The following PCNT variants were observed in gnomAD, a reference collection of about 807,000 sequenced individuals.
The protein encoded by PCNT is pericentrin, also known as kendrin.
Under a neutral mutation model 380.4 loss-of-function variants are expected in PCNT, and 319 were observed. That is an observed-to-expected ratio of 0.84 (90% confidence interval 0.77 to 0.92). The LOEUF is 0.92. Among genes scored for constraint, PCNT ranks in the 40% least tolerant of loss-of-function variants. The pLI is 0.00. For missense variants in PCNT, 4,400 were observed against 4,255.3 expected (o/e 1.03, Z -0.95); for synonymous variants, 1,845 against 1,735.2 (o/e 1.06, Z -1.57).
chr21:46,366,580 G>C lies in PCNT; in HGVS notation c.2610-4G>C. On this transcript the variant is annotated splice_region_variant and splice_polypyrimidine_tract_variant and intron_variant, in intron 14 of 46. Coordinates refer to ENST00000359568, the MANE Select transcript of PCNT (RefSeq NM_006031.6). ...ACTGTCCTGTGTTCACTTTGTTGCC[G>C]CAGGTTTTTAGAGGAACGTAAAGAG... 6.2e-7 allele frequency: 1 copy of C among 1,613,218 alleles called. No individual in the cohort carries two copies. Among genetic ancestry groups the C allele is most frequent in the Non-Finnish European group, 8.5e-7 (1 of 1,179,240 alleles).
intron 13 of PCNT, among the ~76,000 whole-genome samples, chr21:46,359,679 G>A (rs1183535344): frequency 7.0e-6 from 1 of 142,364 alleles, no homozygotes; most frequent in African/African-American, 2.6e-5. Flanking sequence ...AATAGAGACG[G>A]GGTTTCATTA....
At chr21:46,329,412 GT>G (rs537429021) in intron 2 of PCNT, among the ~76,000 whole-genome samples, 1 of 152,158 alleles carries the variant, frequency 6.6e-6, no homozygotes, top group Non-Finnish European at 1.5e-5. Flanking sequence ...AGAGTTGTTG[GT>G]TTTTTCGTTG....
At position 46,418,318 on chromosome 21, in the gene PCNT, A is replaced by G; in HGVS notation, c.7024+12A>G. 1 of 1,437,874 alleles carries G rather than the reference A, an allele frequency of 7.0e-7. No individual in the cohort carries two copies. Among genetic ancestry groups the G allele is most frequent in the Non-Finnish European group, 9.8e-7 (1 of 1,020,006 alleles). The allele number at this position is 1,437,874 out of a possible 1,614,324, so 89.1% of individuals were successfully genotyped here. On this transcript the variant is annotated intron_variant, in intron 31 of 46. Coordinates refer to ENST00000359568, the MANE Select transcript of PCNT (RefSeq NM_006031.6). ...TAGAAGTGAGAAAAGTGAGTTGGTT[A>G]TCTTTCATTTTTAATTTTTTATTTC...
At chr21:46,387,246 TGTTCTTTTCATCAA>T (rs778509510) in intron 17 of PCNT, among the ~76,000 whole-genome samples, 2 of 152,124 alleles carry the variant, frequency 1.3e-5, no homozygotes, top group African/African-American at 2.4e-5. Flanking sequence ...GGTCTCTCTT[TGTTCTTTTCATCAA>T]GTTTTGTGAT....
At chr21:46,353,921 A>G (rs1199886849) in intron 10 of PCNT, 66 bp from the exon 11 acceptor site, 8 of 1,370,160 alleles carry the variant, frequency 5.8e-6, no homozygotes, top group Non-Finnish European at 8.3e-6. Flanking sequence ...GGTCCTGGGG[A>G]GGGAATGGCG....
rs996461068 is a variant in PCNT, at chr21:46,355,753, C to T, written c.1936+127C>T. The T allele has an allele frequency of 5.6e-6, 5 of 894,290 alleles. No individual in the cohort carries two copies. In the African/African-American group the frequency reaches 6.6e-5, roughly 12 times the overall value. The allele number at this position is 894,290 out of a possible 1,614,324, so 55.4% of individuals were successfully genotyped here. A position where few individuals can be genotyped will look rare whatever the true frequency, so the allele number is the denominator to read the frequency against. On this transcript the variant is annotated intron_variant, in intron 12 of 46. Coordinates refer to ENST00000359568, the MANE Select transcript of PCNT (RefSeq NM_006031.6). Reference sequence around the variant, plus strand: ...CAGCTGAGTGCTCCGACCTCTTCTTCTGGGGCTGACACCTCAACAGAGTGT... The same window carrying T: ...CAGCTGAGTGCTCCGACCTCTTCTTTTGGGGCTGACACCTCAACAGAGTGT...
chr21:46,425,819 T>C lies in PCNT; in HGVS notation c.7180-12T>C. 6.2e-7 allele frequency: 1 copy of C among 1,613,134 alleles called. No homozygotes were observed. Among genetic ancestry groups the C allele is most frequent in the East Asian group, 2.2e-5 (1 of 44,842 alleles). On this transcript the variant is annotated splice_polypyrimidine_tract_variant and intron_variant, in intron 32 of 46. Transcript: ENST00000359568. This position sits in a 1 kb window ranked among gnomAD's most constrained non-coding sequence, Gnocchi z 4.2. ...GCAGGCAACTCCCTTCTGACGCGCT[T>C]TCCCGCCACAGGCTTTACTGCAGAT...
intron 3 of PCNT, among the ~76,000 whole-genome samples, chr21:46,337,960 A>G (rs1208159932): frequency 1.3e-5 from 2 of 149,620 alleles, no homozygotes; most frequent in Admixed American, 1.3e-4. Flanking sequence ...TACAGCCTTG[A>G]ACTCCTAGGC....
At chr21:46,403,932 G>A (rs1225206178) in intron 27 of PCNT, among the ~76,000 whole-genome samples, 3 of 140,562 alleles carry the variant, frequency 2.1e-5, no homozygotes, top group Non-Finnish European at 3.2e-5. Context: ...CACGCGGCGC[G>A]TGCTCGGTGA....
chr21:46,368,240 T>C (rs968979736), intron 15 of PCNT, among the ~76,000 whole-genome samples: 1 of 151,936 alleles, frequency 6.6e-6, no homozygotes, highest in Non-Finnish European at 1.5e-5. Flanking sequence ...GGTCAGGTGA[T>C]CGAGACCATC....
chr21:46,427,005 C>T (rs1414418276), intron 33 of PCNT, among the ~76,000 whole-genome samples: 1 of 152,154 alleles, frequency 6.6e-6, no homozygotes, highest in Non-Finnish European at 1.5e-5. Flanking sequence ...TGTGTGCGAG[C>T]GGCAGCCTGG....
intron 27 of PCNT, among the ~76,000 whole-genome samples, chr21:46,406,233 A>G (rs1210510122): frequency 6.6e-6 from 1 of 152,072 alleles, no homozygotes; most frequent in East Asian, 1.9e-4. Flanking sequence ...CTAACACCTC[A>G]TCCTCAATGT....
At chr21:46,348,110 C>G (rs191198983) in intron 6 of PCNT, 14 of 181,340 alleles carry the variant, frequency 7.7e-5, no homozygotes, top group African/African-American at 3.1e-4. Context: ...CGGTCACCTG[C>G]TCCTCTGACG....
intron 45 of PCNT, among the ~76,000 whole-genome samples, chr21:46,444,458 A>G (rs147416023): frequency 0.015 from 2,312 of 152,298 alleles, 23 homozygotes; most frequent in African/African-American, 0.026. Flanking sequence ...TCGAAGATGT[A>G]GCAAGCAAAG....
rs774962506 is a variant in PCNT at position 46,397,278 on chromosome 21, A to G, written c.4230A>G (p.Glu1410=). 8 of 1,613,926 alleles carry G rather than the reference A, an allele frequency of 5.0e-6. No homozygotes were observed. The highest frequency in any genetic ancestry group is 5.9e-6 in the Non-Finnish European group (7 of 1,179,854). The part of the protein sequence containing the change: ...AEAREAALRK[E]VEDLTKEQSE... ...TTGCATCCTTAGCTCTCCGGAAGGA[A>G]GTGGAGGATCTGACCAAAGAACAGT... The change falls in exon 22 of 47, where the codon GAA becomes GAG. Residue 1410 remains glutamate, a synonymous_variant. Transcript: ENST00000359568.
chr21:46,382,768 G>A (rs112486078), intron 16 of PCNT, among the ~76,000 whole-genome samples: 14,402 of 132,458 alleles, frequency 0.11, 3,059 homozygotes, highest in African/African-American at 0.38. Flanking sequence ...CGCATTCACC[G>A]TGTTGTATAT....
intron 17 of PCNT, among the ~76,000 whole-genome samples, chr21:46,386,268 T>G (rs1184486628): frequency 1.3e-5 from 2 of 152,212 alleles, no homozygotes; most frequent in African/African-American, 4.8e-5. Context: ...AGCCGTTATC[T>G]CCCACACAGA....
rs748227019 is a variant in PCNT at position 46,366,903 on chromosome 21, T to G, written c.2929T>G (p.Ser977Ala). 4.3e-6 allele frequency: 7 copies of G among 1,614,108 alleles called. No individual in the cohort carries two copies. In the African/African-American group the frequency reaches 8.0e-5, roughly 18 times the overall value. Residue 977 changes from serine to alanine, a missense_variant, in exon 15 of 47, where the codon TCT becomes GCT. Physicochemically the swap from Ser to Ala is moderately conservative, Grantham distance 99 (BLOSUM62 1). Transcript: ENST00000359568. Reference protein sequence around the residue: ...SLDSLESCYLSEFQTIREEHR... With the variant: ...SLDSLESCYLAEFQTIREEHR... ...TGATTCTTTGGAATCCTGTTACCTC[T>G]CTGAATTTCAGACCATCCGTGAGGA...
At chr21:46,355,685 G>T in intron 12 of PCNT, 59 bp downstream of exon 12, 2 of 1,568,910 alleles carry the variant, frequency 1.3e-6, no homozygotes, top group Admixed American at 1.7e-5. Context: ...GGACGTTCTC[G>T]GGGAGCCTGG....
Sources: gnomAD v4.1 joint callset for allele counts (sites outside exome capture counted in the v4.1 genomes callset) on GRCh38, gnomAD v4.1.1 for gene constraint, Gnocchi (gnomAD v3.1) non-coding constraint, MANE v1.5 for transcripts, NCBI Gene and HGNC (gene_info 2026-07-23, HGNC 2026-07-21) for gene names.